Variants in GPAM observed in about 807,000 individuals in gnomAD.
GPAM encodes the protein glycerol-3-phosphate acyltransferase 1, mitochondrial.
In GPAM, 56 loss-of-function variants were observed where a neutral mutation model predicts 105.0. The observed-to-expected ratio is 0.53, with a 90% CI of 0.43 to 0.67. The LOEUF is 0.67. GPAM is among the 30% of genes least tolerant of loss of function. The pLI is 0.00. For missense variants in GPAM, 855 were observed against 989.8 expected (o/e 0.86, Z 1.83); for synonymous variants, 368 against 354.4 (o/e 1.04, Z -0.43).
intron 15 of GPAM, among the ~76,000 whole-genome samples, chr10:112,161,290 T>C (rs950697291): frequency 6.6e-6 from 1 of 152,176 alleles, no homozygotes; most frequent in African/African-American, 2.4e-5. Flanking sequence ...GTCTCTTCCA[T>C]CATAAAGCTC....
At chr10:112,160,181 G>C in intron 16 of GPAM, 128 bp from the exon 17 acceptor site, 2 of 1,027,386 alleles carry the variant, frequency 1.9e-6, no homozygotes, top group South Asian at 2.8e-5. Context: ...AGAAATTTAA[G>C]TAAATCCCAT....
At chr10:112,221,698 T>C in the GPAM span, among the ~76,000 whole-genome samples, 1 of 152,186 alleles carries the variant, frequency 6.6e-6, no homozygotes, top group African/African-American at 2.4e-5. Context: ...ACAGTGTGTC[T>C]CAACATGTGG....
At chr10:112,169,119 T>C (rs575626086) in intron 9 of GPAM, among the ~76,000 whole-genome samples, 167 bp from the exon 10 acceptor site, 91 of 152,304 alleles carry the variant, frequency 6.0e-4, no homozygotes, top group African/African-American at 2.2e-3. Context: ...ATTATCGACA[T>C]GTTTCAGTCA....
chr10:112,190,260 A>ACC lies in GPAM; in HGVS notation n.211-7370_211-7369insGG, dbSNP rs1847640429. 4.6e-5 allele frequency among the ~76,000 whole-genome samples: 7 copies of ACC among 152,240 alleles called. No homozygotes were observed. In the South Asian group the frequency reaches 1.5e-3, roughly 32 times the overall value. Reference sequence around the variant, plus strand: ...GGGGTGGCAGTGAAGGTGACCTTAGATTCTGCCTTTAAGAAAGGGTCTTTC... The same window carrying ACC: ...GGGGTGGCAGTGAAGGTGACCTTAGACCTTCTGCCTTTAAGAAAGGGTCTTTC... On this transcript the variant is annotated intron_variant and non_coding_transcript_variant, in intron 1 of 3. Coordinates refer to the GPAM transcript ENST00000480130.
At chr10:112,217,156 G>T (rs769860565), upstream of GPAM, among the ~76,000 whole-genome samples, 15 of 151,958 alleles carry the variant, frequency 9.9e-5, no homozygotes, top group Non-Finnish European at 1.9e-4. Flanking sequence ...ACGATCACCC[G>T]CAACTCTGCC....
chr10:112,200,752 T>C (rs1847788414), intron 1 of GPAM, among the ~76,000 whole-genome samples: 1 of 152,160 alleles, frequency 6.6e-6, no homozygotes, highest in African/African-American at 2.4e-5. Flanking sequence ...GAAGGGATAC[T>C]TTTACCTCTA....
At position 112,150,297 on chromosome 10, in the gene GPAM, T is replaced by G. The variant is rs955502392; in HGVS notation, c.*3253A>C. On this transcript the variant is annotated 3_prime_UTR_variant, in exon 22 of 22. Coordinates refer to ENST00000348367, the MANE Select transcript of GPAM (RefSeq NM_001244949.2). ...TAAAAATCTGCATTCAAACGTACAATACTTTCTTCTAGATCTGAATTAAAA... is the reference window on the plus strand; with the variant it reads ...TAAAAATCTGCATTCAAACGTACAAGACTTTCTTCTAGATCTGAATTAAAA... 6.1e-6 allele frequency: 6 copies of G among 985,078 alleles called. No homozygotes were observed. Among genetic ancestry groups the G allele is most frequent in the Non-Finnish European group, 6.0e-6 (5 of 829,420 alleles). 61.0% of individuals were successfully genotyped at this position (985,078 alleles called of 1,614,324 possible). A position where few individuals can be genotyped will look rare whatever the true frequency, so the allele number is the denominator to read the frequency against.
intron 4 of GPAM, among the ~76,000 whole-genome samples, chr10:112,179,748 A>G (rs768086096): frequency 6.6e-6 from 1 of 152,206 alleles, no homozygotes; most frequent in Admixed American, 6.5e-5. Flanking sequence ...CTTCATCCTA[A>G]TAACTGGATC....
the GPAM span, among the ~76,000 whole-genome samples, chr10:112,223,904 G>A: frequency 6.6e-6 from 1 of 152,118 alleles, no homozygotes; most frequent in Non-Finnish European, 1.5e-5. Flanking sequence ...AGTCATGGAC[G>A]CTTATGGTTG....
chr10:112,215,892 T>C (rs921336637), upstream of GPAM, among the ~76,000 whole-genome samples: 4 of 152,214 alleles, frequency 2.6e-5, no homozygotes, highest in Non-Finnish European at 5.9e-5. Flanking sequence ...GTCATGACTT[T>C]GGTCTTCTCT....
At position 112,153,462 on chromosome 10, in the gene GPAM, G is replaced by A. The variant is rs577026882; in HGVS notation, c.*88C>T. On this transcript the variant is annotated 3_prime_UTR_variant, in exon 22 of 22. Coordinates refer to ENST00000348367, the MANE Select transcript of GPAM (RefSeq NM_001244949.2). ...CGGGACAGGGCAGGCCTGACCCTGC[G>A]ATGGCACCTTCAACTCTTGAGCCAG... The A allele has an allele frequency of 6.7e-5, 107 of 1,605,976 alleles. No homozygotes were observed. The African/African-American group carries it at 1.2e-3, about 18-fold the overall frequency.
intron 1 of GPAM, among the ~76,000 whole-genome samples, chr10:112,207,030 G>A (rs2133301506): frequency 6.6e-6 from 1 of 152,284 alleles, no homozygotes; most frequent in East Asian, 1.9e-4. Flanking sequence ...AAAACAGGAT[G>A]CATTAACAAC....
intron 1 of GPAM, chr10:112,215,055 G>A (rs915720745): frequency 4.6e-5 from 7 of 152,170 alleles, no homozygotes; most frequent in African/African-American, 1.4e-4. Context: ...TCTTCCTACT[G>A]TGTCTGCCTC....
In GPAM at chr10:112,166,283, T is replaced by C. The variant is rs980383743; in HGVS notation, c.1221+119A>G. The C allele has an allele frequency of 4.1e-6, 3 of 733,150 alleles. No individual in the cohort carries two copies. In the African/African-American group the frequency reaches 5.2e-5, roughly 13 times the overall value. 45.4% of individuals were successfully genotyped at this position (733,150 alleles called of 1,614,324 possible). A position where few individuals can be genotyped will look rare whatever the true frequency, so the allele number is the denominator to read the frequency against. On this transcript the variant is annotated intron_variant, in intron 12 of 21. Transcript: ENST00000348367. ...CACCACCTTTATCATAGTCCTCATT[T>C]TACAGGAGAGCAAACTGCAGCCCCA... is the stretch of plus-strand genomic sequence containing the variant.
chr10:112,176,948 C>A (rs7074861), intron 5 of GPAM, among the ~76,000 whole-genome samples: 9,191 of 150,790 alleles, frequency 0.061, 901 homozygotes, highest in African/African-American at 0.22. Context: ...TAATTGAGGG[C>A]AAGAAACAAA....
chr10:112,152,923 T>G lies in GPAM; in HGVS notation c.*627A>C, dbSNP rs1022201879. On this transcript the variant is annotated 3_prime_UTR_variant, in exon 22 of 22. Transcript: ENST00000348367. ...CCGACCTAAACTAATATTGTCTGTT[T>G]TCACATAGCTCTTAAAAACATTTCT... is the stretch of plus-strand genomic sequence containing the variant. The G allele has an allele frequency of 1.6e-5, 3 of 188,790 alleles. No individual in the cohort carries two copies. The highest frequency in any genetic ancestry group is 7.1e-5 in the African/African-American group (3 of 42,086). 11.7% of individuals were successfully genotyped at this position (188,790 alleles called of 1,614,324 possible).
At chr10:112,174,983 C>A (rs143563161) in intron 6 of GPAM, among the ~76,000 whole-genome samples, 15 of 152,122 alleles carry the variant, frequency 9.9e-5, no homozygotes, top group Non-Finnish European at 2.1e-4. Flanking sequence ...ATCTCTGAAA[C>A]TGGCCACACC....
intron 1 of GPAM, among the ~76,000 whole-genome samples, chr10:112,196,356 T>G (rs1847724057): frequency 6.6e-6 from 1 of 152,254 alleles, no homozygotes; most frequent in Non-Finnish European, 1.5e-5. Context: ...CAACTAAGGC[T>G]AATTTTTAGA....
At chr10:112,170,652 C>T (rs920208206) in intron 9 of GPAM, among the ~76,000 whole-genome samples, 1 of 149,336 alleles carries the variant, frequency 6.7e-6, no homozygotes, top group Non-Finnish European at 1.5e-5. Flanking sequence ...AATTCAGTTT[C>T]CCGGTTCCTT....
Sources: gnomAD v4.1 joint callset for allele counts (sites outside exome capture counted in the v4.1 genomes callset) on GRCh38, gnomAD v4.1.1 for gene constraint, MANE v1.5 for transcripts, NCBI Gene and HGNC (gene_info 2026-07-23, HGNC 2026-07-21) for gene names.